Variants in EXOC6B observed in about 807,000 individuals in gnomAD.
EXOC6B encodes exocyst complex component 6B, also known as SEC15 homolog B.
A neutral mutation model predicts 113.5 loss-of-function variants in EXOC6B; 54 were observed. The observed-to-expected ratio is 0.48, with a 90% CI of 0.38 to 0.60. The LOEUF (loss-of-function observed/expected upper bound fraction) is 0.60. Among genes scored for constraint, EXOC6B ranks in the 20% least tolerant of loss-of-function variants. The probability of loss-of-function intolerance (pLI) is 0.00; values close to 1 mark genes in which losing one functional copy is unlikely to be tolerated. For missense variants in EXOC6B, 797 were observed against 977.5 expected (o/e 0.82, Z 2.46); for synonymous variants, 357 against 339.0 (o/e 1.05, Z -0.58).
At chr2:72,749,392 G>A (rs186202944) in intron 1 of EXOC6B, among the ~76,000 whole-genome samples, 101 of 152,148 alleles carry the variant, frequency 6.6e-4, no homozygotes, top group African/African-American at 2.4e-3. Flanking sequence ...TCAACATAAT[G>A]AGTCTGAATC....
intron 8 of EXOC6B, among the ~76,000 whole-genome samples, chr2:72,551,122 T>C (rs533419450): frequency 6.6e-6 from 1 of 152,170 alleles, no homozygotes; most frequent in Non-Finnish European, 1.5e-5. Context: ...CCTAACAACA[T>C]ACAACTAGTA....
At chr2:72,557,805 A>T (rs1703648763) in intron 8 of EXOC6B, among the ~76,000 whole-genome samples, 1 of 151,988 alleles carries the variant, frequency 6.6e-6, no homozygotes, top group Non-Finnish European at 1.5e-5. Flanking sequence ...CCAAACCTAA[A>T]TTTTTTTTAA....
At chr2:72,512,197 T>C (rs1700940263) in intron 11 of EXOC6B, among the ~76,000 whole-genome samples, 1 of 152,058 alleles carries the variant, frequency 6.6e-6, no homozygotes, top group Admixed American at 6.6e-5. Context: ...GACATTCTTG[T>C]TACATGTTTA....
chr2:72,225,693 A>G (rs1012582785), intron 20 of EXOC6B, among the ~76,000 whole-genome samples: 1 of 152,160 alleles, frequency 6.6e-6, no homozygotes, highest in African/African-American at 2.4e-5. Flanking sequence ...GATGATAAGG[A>G]AACCTTTTTA....
At chr2:72,250,899 G>A (rs182283473) in intron 20 of EXOC6B, among the ~76,000 whole-genome samples, 42 of 152,164 alleles carry the variant, frequency 2.8e-4, no homozygotes, top group Middle Eastern at 3.4e-3. Flanking sequence ...CCAGGCTGGA[G>A]TGGAGTGGTG....
intron 10 of EXOC6B, 134 bp from the exon 11 acceptor site, chr2:72,513,386 CAGT>C (rs1701049648): frequency 1.8e-6 from 2 of 1,132,234 alleles, no homozygotes; most frequent in Non-Finnish European, 2.5e-6. Flanking sequence ...GAAACTTATT[CAGT>C]AGAATAAATG....
Position 72,481,201 on chromosome 2 carries a change from C to T in EXOC6B, c.1666-451G>A, listed in dbSNP as rs144463269. ...CATGATTATAAGTTTCCTGAGGCCT[C>T]CCAAGCCATGCTGAACTGTGAGTAA... On this transcript the variant is annotated intron_variant, in intron 16 of 21. Coordinates refer to ENST00000272427, the MANE Select transcript of EXOC6B (RefSeq NM_015189.3). Among the ~76,000 whole-genome samples the T allele has an allele frequency of 4.7e-3, 723 of 152,294 alleles. 4 individuals carry two copies. The highest frequency in any genetic ancestry group is 0.017 in the African/African-American group (699 of 41,554).
intron 1 of EXOC6B, among the ~76,000 whole-genome samples, chr2:72,765,529 C>A (rs576600831): frequency 6.6e-6 from 1 of 152,172 alleles, no homozygotes; most frequent in South Asian, 2.1e-4. Flanking sequence ...AAAACTTAGC[C>A]AGCCATGATG....
intron 18 of EXOC6B, among the ~76,000 whole-genome samples, chr2:72,451,490 C>T (rs200595839): frequency 3.3e-5 from 5 of 152,026 alleles, no homozygotes; most frequent in African/African-American, 7.2e-5. Flanking sequence ...CAGTTAAAGA[C>T]GGTAAATCAT....
At chr2:72,319,563 G>A (rs777682595) in intron 20 of EXOC6B, among the ~76,000 whole-genome samples, 19 of 152,184 alleles carry the variant, frequency 1.2e-4, no homozygotes, top group Non-Finnish European at 2.2e-4. Context: ...CAACATCAAC[G>A]TACAAAAACC....
At chr2:72,388,742 G>C (rs1387800492) in intron 18 of EXOC6B, among the ~76,000 whole-genome samples, 4 of 152,002 alleles carry the variant, frequency 2.6e-5, no homozygotes, top group Non-Finnish European at 5.9e-5. Context: ...ATTTGTTATT[G>C]AGTGCAGACA....
chr2:72,185,797 G>T (rs1252082525), intron 20 of EXOC6B, among the ~76,000 whole-genome samples: 1 of 150,306 alleles, frequency 6.7e-6, no homozygotes, highest in Non-Finnish European at 1.5e-5. Context: ...CAACGTGCAG[G>T]TTTGTTACAT....
At chr2:72,661,187 G>A (rs1351082513) in intron 6 of EXOC6B, among the ~76,000 whole-genome samples, 1 of 151,962 alleles carries the variant, frequency 6.6e-6, no homozygotes, top group East Asian at 1.9e-4. Context: ...GGATGAAGGG[G>A]CAATTGGAGA....
At chr2:72,697,105 CAGATAT>C (rs70963140) in intron 6 of EXOC6B, among the ~76,000 whole-genome samples, 6,972 of 142,710 alleles carry the variant, frequency 0.049, 206 homozygotes, top group African/African-American at 0.071. Flanking sequence ...TTTTTATATA[CAGATAT>C]AGATATAGAT....
intron 1 of EXOC6B, among the ~76,000 whole-genome samples, chr2:72,820,047 A>G (rs955318080): frequency 6.6e-6 from 1 of 152,220 alleles, no homozygotes; most frequent in African/African-American, 2.4e-5. Context: ...CTGGATGGAA[A>G]AATAAGAGCC....
intron 7 of EXOC6B, among the ~76,000 whole-genome samples, chr2:72,574,721 TAC>T (rs1300044745): frequency 6.6e-6 from 1 of 152,190 alleles, no homozygotes; most frequent in Non-Finnish European, 1.5e-5. Flanking sequence ...AGAATTTGAA[TAC>T]AGTCAGACTC....
chr2:72,400,878 C>A (rs561495131), intron 18 of EXOC6B, among the ~76,000 whole-genome samples: 1 of 151,956 alleles, frequency 6.6e-6, no homozygotes, highest in African/African-American at 2.4e-5. Context: ...TAAAAGACAG[C>A]ATAAAAATTT....
intron 20 of EXOC6B, among the ~76,000 whole-genome samples, chr2:72,282,991 C>T (rs1685220755): frequency 6.6e-6 from 1 of 152,024 alleles, no homozygotes; most frequent in Non-Finnish European, 1.5e-5. Context: ...ACTGACAAAA[C>T]AATTAGAACA....
chr2:72,673,878 A>T (rs1676092583), intron 6 of EXOC6B, among the ~76,000 whole-genome samples: 9 of 151,866 alleles, frequency 5.9e-5, no homozygotes, highest in Admixed American at 5.9e-4. Context: ...TTAAATTCCT[A>T]AGATTAGTCT....
Sources: allele counts gnomAD v4.1 joint callset (sites outside exome capture counted in the v4.1 genomes callset), GRCh38; gene constraint gnomAD v4.1.1; transcripts MANE v1.5; gene names NCBI Gene and HGNC (gene_info 2026-07-23, HGNC 2026-07-21).